Variants in LPA observed in about 807,000 individuals in gnomAD.
LPA encodes lipoprotein(a).
Under a neutral mutation model 197.9 loss-of-function variants are expected in LPA, and 199 were observed. The observed-to-expected ratio is 1.01, with a 90% CI of 0.90 to 1.13. The LOEUF (loss-of-function observed/expected upper bound fraction) is 1.13, where lower values mean the gene tolerates loss of function less well. LPA is among the 50% of genes most tolerant of loss of function. LPA has a pLI of 0.00. For missense variants in LPA, 1,853 were observed against 1,785.8 expected (o/e 1.04, Z -0.68); for synonymous variants, 715 against 639.5 (o/e 1.12, Z -1.78).
intron 37 of LPA, 42 bp downstream of exon 37, chr6:160,537,813 G>T (rs751529255): frequency 6.4e-7 from 1 of 1,567,842 alleles, no homozygotes. Context: ...TGCACTGAAG[G>T]TCAAAAACAA....
intron 26 of LPA, among the ~76,000 whole-genome samples, chr6:160,583,933 T>G (rs891602028): frequency 6.6e-6 from 1 of 152,148 alleles, no homozygotes; most frequent in Non-Finnish European, 1.5e-5. Context: ...GTGCAAACAG[T>G]TTTTCCATAT....
chr6:160,650,489 C>T lies in LPA; in HGVS notation c.58G>A (p.Glu20Lys). The change falls in exon 2 of 39, where the codon GAG (glutamate) becomes AAG (lysine). Residue 20 changes from glutamate to lysine, a missense_variant. Glu to Lys is a moderately conservative substitution (Grantham distance 56). Transcript: ENST00000316300. ...LLLFLKSAAPEQSHVVQDCYH... is the reference protein window; with the variant it reads ...LLLFLKSAAPKQSHVVQDCYH... The stretch of plus-strand genomic sequence containing the variant: ...CAATCCTGGACCACATGGCTTTGCT[C>T]AGGTGCTGCTAAAATTAAAACAGAA... 2 of 1,613,498 alleles carry T rather than the reference C, an allele frequency of 1.2e-6. No individual in the cohort carries two copies. Among genetic ancestry groups the T allele is most frequent in the East Asian group, 2.2e-5 (1 of 44,850 alleles).
At chr6:160,584,044 A>G (rs1338160553) in intron 26 of LPA, among the ~76,000 whole-genome samples, 1 of 151,710 alleles carries the variant, frequency 6.6e-6, no homozygotes. Flanking sequence ...TTACTTCCTG[A>G]CTCTCATCTG....
At chr6:160,606,807 G>T in intron 16 of LPA, 149 bp from the exon 17 acceptor site, 1 of 1,253,136 alleles carries the variant, frequency 8.0e-7, no homozygotes, top group Non-Finnish European at 1.2e-6. Context: ...AAGCACAAAT[G>T]GCTCTCAATC....
In LPA at chr6:160,657,842, G is replaced by T. The variant is rs556839303; in HGVS notation, c.49+6324C>A. Among the ~76,000 whole-genome samples the T allele has an allele frequency of 7.0e-4, 106 of 152,206 alleles. 1 individual carries two copies. Among genetic ancestry groups the T allele is most frequent in the African/African-American group, 2.4e-3 (98 of 41,534 alleles). ...ACCCTTAATATCCATTCCCATGCCTGTTCTCCAGATTTCTGCCAATATAAA... is the reference window on the plus strand; with the variant it reads ...ACCCTTAATATCCATTCCCATGCCTTTTCTCCAGATTTCTGCCAATATAAA... On this transcript the variant is annotated intron_variant, in intron 1 of 38. Transcript: ENST00000316300.
chr6:160,600,607 C>T (rs892897234), intron 19 of LPA, among the ~76,000 whole-genome samples: 1 of 152,176 alleles, frequency 6.6e-6, no homozygotes, highest in East Asian at 1.9e-4. Context: ...AAGACACACA[C>T]ATCTGACAGC....
intron 18 of LPA, among the ~76,000 whole-genome samples, chr6:160,601,577 T>G (rs1779242923): frequency 6.6e-6 from 1 of 152,210 alleles, no homozygotes; most frequent in South Asian, 2.1e-4. Context: ...AAAAATGGCA[T>G]CCAGCATGAT....
intron 24 of LPA, among the ~76,000 whole-genome samples, chr6:160,588,277 G>C (rs1424456988): frequency 6.6e-6 from 1 of 151,852 alleles, no homozygotes; most frequent in Non-Finnish European, 1.5e-5. Context: ...CTTGTGGAAT[G>C]CAGTTAATTT....
intron 30 of LPA, among the ~76,000 whole-genome samples, chr6:160,553,954 T>TGTGTGTGTGCGCGCGCGC (rs771903485): frequency 5.8e-4 from 76 of 130,802 alleles, no homozygotes; most frequent in African/African-American, 2.1e-3. Flanking sequence ...TGTGTGTGTG[T>TGTGTGTGTGCGCGCGCGC]GCGCGCGCGC....
In LPA at chr6:160,531,625, A is replaced by G. The variant is rs1777807544; in HGVS notation, c.*104T>C. On this transcript the variant is annotated 3_prime_UTR_variant, in exon 39 of 39. Transcript: ENST00000316300. The stretch of plus-strand genomic sequence containing the variant: ...GGTTTGGCATAGCTGGTAGCTGGGA[A>G]CAGTGTCTTCGTTTGATTGCTGTCT... 6.8e-7 allele frequency: 1 copy of G among 1,481,182 alleles called. No homozygotes were observed. The highest frequency in any genetic ancestry group is 1.4e-5 in the African/African-American group (1 of 72,012). 91.8% of individuals were successfully genotyped at this position (1,481,182 alleles called of 1,614,324 possible). A position where few individuals can be genotyped will look rare whatever the true frequency, so the allele number is the denominator to read the frequency against.
In LPA at chr6:160,586,513, T is replaced by G. The variant is rs1465637408; in HGVS notation, c.4065A>C (p.Glu1355Asp). Reference protein sequence around the residue: ...YCNLTQCPVMESTLLTTPTVV... With the variant: ...YCNLTQCPVMDSTLLTTPTVV... ...CCGTGGGAGTTGTGAGGAGAGTTGATTCCATCACTGGACATTGCGTCAGGT... is the reference window on the plus strand; with the variant it reads ...CCGTGGGAGTTGTGAGGAGAGTTGAGTCCATCACTGGACATTGCGTCAGGT... Residue 1355 changes from glutamate to aspartate, a missense_variant, in exon 25 of 39, where the codon GAA becomes GAC. Coordinates refer to ENST00000316300, the MANE Select transcript of LPA (RefSeq NM_005577.4). 2 of 1,613,800 alleles carry G rather than the reference T, an allele frequency of 1.2e-6. No individual in the cohort carries two copies. Among genetic ancestry groups the G allele is most frequent in the Non-Finnish European group, 1.7e-6 (2 of 1,179,766 alleles).
chr6:160,556,460 C>T (rs1359235204), intron 29 of LPA, among the ~76,000 whole-genome samples: 1 of 152,114 alleles, frequency 6.6e-6, no homozygotes, highest in East Asian at 1.9e-4. Context: ...TTTCGTATGG[C>T]TCTCTACTGG....
intron 1 of LPA, among the ~76,000 whole-genome samples, chr6:160,654,004 AAT>A (rs1313812314): frequency 2.4e-3 from 14 of 5,916 alleles, no homozygotes; most frequent in East Asian, 0.02. Flanking sequence ...TATTATATAT[AAT>A]ATATATTATA....
chr6:160,577,370 T>C (rs574652469), intron 27 of LPA, 75 bp from the exon 28 acceptor site: 18 of 1,361,708 alleles, frequency 1.3e-5, no homozygotes, highest in South Asian at 5.8e-5. Flanking sequence ...TTATGTCACA[T>C]ACTGGACAGT....
At chr6:160,615,555 G>T (rs1441269980) in intron 14 of LPA, among the ~76,000 whole-genome samples, 1 of 124,596 alleles carries the variant, frequency 8.0e-6, no homozygotes, top group Non-Finnish European at 1.7e-5. Flanking sequence ...CTCTTGATAT[G>T]ATATCTGCTT....
intron 20 of LPA, among the ~76,000 whole-genome samples, chr6:160,595,768 A>C (rs1320048288): frequency 6.6e-6 from 1 of 152,246 alleles, no homozygotes; most frequent in Non-Finnish European, 1.5e-5. Flanking sequence ...CCATAAGAAA[A>C]TTGAGAGTAA....
At chr6:160,607,710 C>T (rs41269886) in intron 16 of LPA, among the ~76,000 whole-genome samples, 4 of 152,208 alleles carry the variant, frequency 2.6e-5, no homozygotes, top group Non-Finnish European at 5.9e-5. Flanking sequence ...TCTAGAGACT[C>T]TATACATGTG....
chr6:160,558,692 T>C (rs939137538), intron 28 of LPA, among the ~76,000 whole-genome samples: 8 of 152,098 alleles, frequency 5.3e-5, no homozygotes, highest in Non-Finnish European at 1.0e-4. Flanking sequence ...CAATGGGATC[T>C]GAAGAGGTCG....
chr6:160,556,423 T>C (rs545562500), intron 29 of LPA, among the ~76,000 whole-genome samples: 1 of 152,228 alleles, frequency 6.6e-6, no homozygotes, highest in South Asian at 2.1e-4. Context: ...GCTCTTACAA[T>C]TGGAACAAAG....
Sources: allele counts gnomAD v4.1 joint callset (sites outside exome capture counted in the v4.1 genomes callset), GRCh38; gene constraint gnomAD v4.1.1; transcripts MANE v1.5; gene names NCBI Gene and HGNC (gene_info 2026-07-23, HGNC 2026-07-21).